The following SPAG16 variants were observed in gnomAD, a reference collection of about 807,000 sequenced individuals.
SPAG16 encodes sperm-associated antigen 16 protein.
A neutral mutation model predicts 80.4 loss-of-function variants in SPAG16; 86 were observed. That is an observed-to-expected ratio of 1.07 (90% CI 0.90 to 1.28). The LOEUF (loss-of-function observed/expected upper bound fraction) is 1.28, where lower values mean the gene tolerates loss of function less well. Among genes scored for constraint, SPAG16 ranks in the 50% most tolerant of loss-of-function variants. The probability of loss-of-function intolerance (pLI) is 0.00; values close to 1 mark genes in which losing one functional copy is unlikely to be tolerated. For missense variants in SPAG16, 870 were observed against 765.3 expected (o/e 1.14, Z -1.61); for synonymous variants, 294 against 265.9 (o/e 1.11, Z -1.03).
At chr2:213,609,862 G>A (rs546715016) in intron 10 of SPAG16, among the ~76,000 whole-genome samples, 1 of 151,960 alleles carries the variant, frequency 6.6e-6, no homozygotes, top group South Asian at 2.1e-4. Flanking sequence ...TTTATTCATA[G>A]CTTCTTCAGG....
chr2:213,757,857 A>T (rs578197639), intron 10 of SPAG16, among the ~76,000 whole-genome samples: 67 of 152,100 alleles, frequency 4.4e-4, no homozygotes, highest in African/African-American at 1.6e-3. Context: ...ACAAAGATGG[A>T]CGCAAAGAGG....
At chr2:213,532,891 G>A (rs915303437) in intron 10 of SPAG16, among the ~76,000 whole-genome samples, 1 of 152,038 alleles carries the variant, frequency 6.6e-6, no homozygotes, top group South Asian at 2.1e-4. Flanking sequence ...TATTTAGTTG[G>A]TTAGCTATTT....
At chr2:213,637,288 A>G (rs2062401047) in intron 10 of SPAG16, among the ~76,000 whole-genome samples, 1 of 152,222 alleles carries the variant, frequency 6.6e-6, no homozygotes, top group African/African-American at 2.4e-5. Context: ...CCATTCCTGC[A>G]TCCCTGTAAG....
intron 10 of SPAG16, among the ~76,000 whole-genome samples, chr2:213,739,048 A>G (rs1415667402): frequency 2.0e-5 from 3 of 152,228 alleles, no homozygotes; most frequent in Non-Finnish European, 4.4e-5. Flanking sequence ...ACATAGCAAA[A>G]TCAATCATCT....
At chr2:213,512,683 T>C (rs1211217244) in intron 10 of SPAG16, among the ~76,000 whole-genome samples, 1 of 152,188 alleles carries the variant, frequency 6.6e-6, no homozygotes, top group Non-Finnish European at 1.5e-5. Flanking sequence ...ATCTGGCCCC[T>C]AGCAGTTTCA....
intron 15 of SPAG16, among the ~76,000 whole-genome samples, chr2:214,227,697 G>GGTGTGT (rs1396925045): frequency 2.2e-4 from 16 of 73,942 alleles, no homozygotes; most frequent in Non-Finnish European, 3.5e-4. Context: ...TCTTGTGGAA[G>GGTGTGT]GTGTATGTGT....
intron 13 of SPAG16, among the ~76,000 whole-genome samples, chr2:214,041,778 T>G (rs932532769): frequency 6.6e-6 from 1 of 151,686 alleles, no homozygotes; most frequent in Non-Finnish European, 1.5e-5. Context: ...TGATCTACAT[T>G]GTTGCAGTAT....
At chr2:214,163,713 C>T (rs377661620) in intron 15 of SPAG16, among the ~76,000 whole-genome samples, 1 of 151,554 alleles carries the variant, frequency 6.6e-6, no homozygotes, top group African/African-American at 2.4e-5. Flanking sequence ...CGGGGGCTGG[C>T]AATTGTGAAT....
At chr2:214,180,219 T>TTA (rs2057267750) in intron 15 of SPAG16, among the ~76,000 whole-genome samples, 1 of 151,646 alleles carries the variant, frequency 6.6e-6, no homozygotes, top group Non-Finnish European at 1.5e-5. Context: ...ATGCTTGAGT[T>TTA]TATATGTTTT....
intron 14 of SPAG16, among the ~76,000 whole-genome samples, chr2:214,128,626 C>T (rs1027150583): frequency 1.3e-5 from 2 of 151,760 alleles, no homozygotes; most frequent in Admixed American, 6.7e-5. Flanking sequence ...TCTTATCTAA[C>T]GGATTTCAAT....
Position 213,828,761 on chromosome 2 carries a change from G to A in SPAG16, c.1071-33724G>A, listed in dbSNP as rs115921401. Among the ~76,000 whole-genome samples the A allele has an allele frequency of 7.8e-3, 1,181 of 152,316 alleles. 23 individuals are homozygous for A. The highest frequency in any genetic ancestry group is 0.027 in the African/African-American group (1,122 of 41,580). On this transcript the variant is annotated intron_variant, in intron 10 of 15. Coordinates refer to ENST00000331683, the MANE Select transcript of SPAG16 (RefSeq NM_024532.5). ...TGCATTAGGGAGTACCCAAAGCCCC[G>A]TAAAGCTGTGGTTCTTGAAGACTTG...
chr2:213,948,543 G>A (rs929456738), intron 12 of SPAG16, among the ~76,000 whole-genome samples: 11 of 152,062 alleles, frequency 7.2e-5, no homozygotes, highest in Non-Finnish European at 1.6e-4. Context: ...GGTGGTTTAG[G>A]AATATGCATT....
At chr2:214,394,049 A>T (rs1031876248) in intron 15 of SPAG16, among the ~76,000 whole-genome samples, 1 of 152,194 alleles carries the variant, frequency 6.6e-6, no homozygotes, top group Non-Finnish European at 1.5e-5. Context: ...TGTGTTTTCA[A>T]GCTGCTTTTG....
At chr2:214,012,282 A>ATTTTTTTTTTTTTTTTT (rs1286363943) in intron 12 of SPAG16, among the ~76,000 whole-genome samples, 1 of 50,688 alleles carries the variant, frequency 2.0e-5, no homozygotes, top group Non-Finnish European at 3.2e-5. Flanking sequence ...ATATATATAT[A>ATTTTTTTTTTTTTTTTT]TATATATTTT....
intron 10 of SPAG16, among the ~76,000 whole-genome samples, chr2:213,572,817 G>T (rs1325946712): frequency 6.6e-6 from 1 of 152,146 alleles, no homozygotes; most frequent in Non-Finnish European, 1.5e-5. Flanking sequence ...CTGGGCAATG[G>T]CGGGCGCCCC....
At chr2:214,036,371 G>A (rs1255044430) in intron 13 of SPAG16, among the ~76,000 whole-genome samples, 1 of 152,042 alleles carries the variant, frequency 6.6e-6, no homozygotes, top group Admixed American at 6.5e-5. Flanking sequence ...AAGAAACTCT[G>A]GTTCCTTTCA....
At chr2:214,036,131 A>C (rs758078479) in intron 13 of SPAG16, among the ~76,000 whole-genome samples, 2 of 152,160 alleles carry the variant, frequency 1.3e-5, no homozygotes, top group African/African-American at 2.4e-5. Flanking sequence ...CATTTATATC[A>C]GTGGATTAAT....
At chr2:213,915,776 G>C (rs1043716106) in intron 11 of SPAG16, among the ~76,000 whole-genome samples, 13 of 152,092 alleles carry the variant, frequency 8.5e-5, no homozygotes, top group African/African-American at 3.1e-4. Context: ...ATCCTCTCCA[G>C]CATCTGTTGT....
At chr2:214,024,575 T>C (rs2048039311) in intron 13 of SPAG16, among the ~76,000 whole-genome samples, 1 of 151,634 alleles carries the variant, frequency 6.6e-6, no homozygotes, top group Non-Finnish European at 1.5e-5. Context: ...GTAAAAGTTA[T>C]ATAATACATT....
Sources: gnomAD v4.1 joint callset for allele counts (sites outside exome capture counted in the v4.1 genomes callset) on GRCh38, gnomAD v4.1.1 for gene constraint, MANE v1.5 for transcripts, NCBI Gene and HGNC (gene_info 2026-07-23, HGNC 2026-07-21) for gene names.